CNTNAP2: variants seen among roughly 807,000 people sequenced by gnomAD.
The protein encoded by CNTNAP2 is contactin-associated protein-like 2.
In CNTNAP2, 98 loss-of-function variants were observed where a neutral mutation model predicts 155.2. That is an observed-to-expected ratio of 0.63 (90% CI 0.54 to 0.75). CNTNAP2 has a LOEUF of 0.75. CNTNAP2 is among the 30% of genes least tolerant of loss of function. The pLI is 0.00. For synonymous variants in CNTNAP2, 651 were observed against 631.2 expected, an observed-to-expected ratio of 1.03 and a Z score of -0.47; for missense variants, 1,727 against 1,688.1, an observed-to-expected ratio of 1.02 and a Z score of -0.40.
At position 148,229,701 on chromosome 7, in the gene CNTNAP2, C is replaced by G; in HGVS notation, c.3303C>G (p.Asp1101Glu). 1 of 1,614,132 alleles carries G rather than the reference C, an allele frequency of 6.2e-7. No homozygotes were observed. The highest frequency in any genetic ancestry group is 8.5e-7 in the Non-Finnish European group (1 of 1,180,008). The change falls in exon 20 of 24, where the codon GAC (aspartate) becomes GAG (glutamate). Residue 1101 changes from aspartate to glutamate, a missense_variant. Asp to Glu is a conservative substitution (Grantham distance 45, BLOSUM62 2). Transcript: ENST00000361727. ...GCACCCGAGAGCCATACAATATTGA[C>G]GTAGACCACAGGAACATGGCCAATG... ...LGGTREPYNI[D>E]VDHRNMANGQ... is the part of the protein sequence containing the mutation.
intron 8 of CNTNAP2, among the ~76,000 whole-genome samples, chr7:147,166,139 T>G (rs1802108582): frequency 6.6e-6 from 1 of 152,052 alleles, no homozygotes; most frequent in African/African-American, 2.4e-5. Context: ...CAAATGACCA[T>G]CAATCAATGA....
intron 13 of CNTNAP2, among the ~76,000 whole-genome samples, chr7:147,653,915 G>A (rs151108089): frequency 5.1e-4 from 77 of 152,236 alleles, no homozygotes; most frequent in African/African-American, 1.7e-3. Context: ...ATCTCAAAAT[G>A]GTGAGGTAAT....
intron 4 of CNTNAP2, among the ~76,000 whole-genome samples, chr7:147,084,038 A>AT (rs1333492784): frequency 8.5e-5 from 11 of 129,446 alleles, no homozygotes; most frequent in African/African-American, 2.8e-4. Context: ...TAATACATAT[A>AT]TGCATAATGC....
At chr7:146,426,091 A>G (rs1584919566) in intron 1 of CNTNAP2, among the ~76,000 whole-genome samples, 1 of 149,344 alleles carries the variant, frequency 6.7e-6, no homozygotes, top group African/African-American at 2.5e-5. Flanking sequence ...GAGGCTGAGG[A>G]AGGAGAATCT....
chr7:146,759,681 C>CAAAAAAAAAAAAAAAA (rs376817827), intron 1 of CNTNAP2, among the ~76,000 whole-genome samples: 1 of 54,600 alleles, frequency 1.8e-5, no homozygotes, highest in African/African-American at 4.1e-5. Flanking sequence ...GTGAGACTGT[C>CAAAAAAAAAAAAAAAA]AAAAAAAAAA....
chr7:148,129,996 C>A (rs569439322), intron 16 of CNTNAP2, among the ~76,000 whole-genome samples: 1 of 152,318 alleles, frequency 6.6e-6, no homozygotes, highest in Admixed American at 6.5e-5. Context: ...GTCAGGAGAT[C>A]TCCTAACATT....
At chr7:146,581,761 T>C (rs528683902) in intron 1 of CNTNAP2, among the ~76,000 whole-genome samples, 1 of 152,252 alleles carries the variant, frequency 6.6e-6, no homozygotes, top group South Asian at 2.1e-4. Flanking sequence ...ACTTTAATCA[T>C]ACATTTTTGT....
At chr7:146,528,399 T>C (rs1797721942) in intron 1 of CNTNAP2, among the ~76,000 whole-genome samples, 2 of 152,158 alleles carry the variant, frequency 1.3e-5, no homozygotes, top group Admixed American at 1.3e-4. Context: ...CTATGAAGGT[T>C]AAATGAAATA....
At chr7:147,158,892 A>G (rs1801974895) in intron 8 of CNTNAP2, among the ~76,000 whole-genome samples, 1 of 152,268 alleles carries the variant, frequency 6.6e-6, no homozygotes, top group South Asian at 2.1e-4. Flanking sequence ...GATCTCAAAC[A>G]AAAAATTACA....
intron 9 of CNTNAP2, among the ~76,000 whole-genome samples, chr7:147,333,862 G>T (rs2116846769): frequency 6.6e-6 from 1 of 152,256 alleles, no homozygotes; most frequent in East Asian, 1.9e-4. Flanking sequence ...AGGCATAACT[G>T]TTAGGCACAG....
intron 1 of CNTNAP2, among the ~76,000 whole-genome samples, chr7:146,644,319 G>A (rs1799770628): frequency 6.6e-6 from 1 of 152,094 alleles, no homozygotes; most frequent in South Asian, 2.1e-4. Flanking sequence ...ATTATTTTGA[G>A]ATATGTCCCA....
At chr7:146,836,343 G>A (rs923144320) in intron 2 of CNTNAP2, among the ~76,000 whole-genome samples, 1 of 152,024 alleles carries the variant, frequency 6.6e-6, no homozygotes, top group Non-Finnish European at 1.5e-5. Flanking sequence ...TTATAACATG[G>A]CCATACTCTT....
At chr7:148,254,258 G>C (rs942131813) in intron 20 of CNTNAP2, among the ~76,000 whole-genome samples, 6 of 152,188 alleles carry the variant, frequency 3.9e-5, no homozygotes, top group Admixed American at 6.5e-5. Context: ...TATCCTGGTC[G>C]TAGTTTCATT....
At chr7:147,348,968 G>C (rs929717081) in intron 9 of CNTNAP2, among the ~76,000 whole-genome samples, 3 of 151,896 alleles carry the variant, frequency 2.0e-5, no homozygotes, top group African/African-American at 7.2e-5. Flanking sequence ...TAAAGCACAG[G>C]ATACTAGAGG....
chr7:146,798,733 T>A (rs1172017987), intron 2 of CNTNAP2, among the ~76,000 whole-genome samples: 1 of 152,178 alleles, frequency 6.6e-6, no homozygotes, highest in African/African-American at 2.4e-5. Context: ...TAAGTTTTAT[T>A]TACATTTTAT....
chr7:147,402,967 A>AAAAAAAAC (rs1554480199), intron 10 of CNTNAP2, among the ~76,000 whole-genome samples: 1 of 145,870 alleles, frequency 6.9e-6, no homozygotes. Flanking sequence ...AAAAAAAAAA[A>AAAAAAAAC]AAAACTAGTT....
intron 13 of CNTNAP2, among the ~76,000 whole-genome samples, chr7:147,880,894 T>TGTGTGTGTG (rs1563122073): frequency 3.1e-5 from 3 of 97,804 alleles, no homozygotes; most frequent in Admixed American, 1.1e-4. Context: ...TGTGTGTGTG[T>TGTGTGTGTG]TTCCAAGTAA....
At chr7:147,687,979 T>C in intron 13 of CNTNAP2, among the ~76,000 whole-genome samples, 1 of 152,150 alleles carries the variant, frequency 6.6e-6, no homozygotes, top group East Asian at 1.9e-4. Flanking sequence ...CTTCTTATGT[T>C]GGGAAATTTT....
At chr7:148,142,210 T>C (rs952786078) in intron 16 of CNTNAP2, among the ~76,000 whole-genome samples, 1 of 151,194 alleles carries the variant, frequency 6.6e-6, no homozygotes, top group Non-Finnish European at 1.5e-5. Context: ...AAGGATGGCA[T>C]CCCGTGTATA....
Sources: allele counts gnomAD v4.1 joint callset (sites outside exome capture counted in the v4.1 genomes callset), GRCh38; gene constraint gnomAD v4.1.1; transcripts MANE v1.5; gene names NCBI Gene and HGNC (gene_info 2026-07-23, HGNC 2026-07-21).